CCDC12: variants seen among roughly 807,000 people sequenced by gnomAD.
CCDC12 encodes coiled-coil domain containing 12, also known as coiled-coil domain-containing protein 12.
In CCDC12, 28 loss-of-function variants were observed where a neutral mutation model predicts 25.7. The ratio of observed to expected loss-of-function variants is 1.09; its 90% CI spans 0.81 to 1.50. CCDC12 has a LOEUF of 1.50. Ranked by LOEUF, CCDC12 falls within the 40% of genes most tolerant of loss-of-function variation. The probability of loss-of-function intolerance (pLI) is 0.00; values close to 1 mark genes in which losing one functional copy is unlikely to be tolerated. For synonymous variants in CCDC12, 75 were observed against 87.7 expected (o/e 0.86, Z 0.81); for missense variants, 198 against 210.0 (o/e 0.94, Z 0.35).
At chr3:46,949,054 AATG>A (rs1251270920) in intron 1 of CCDC12, among the ~76,000 whole-genome samples, 2 of 152,228 alleles carry the variant, frequency 1.3e-5, no homozygotes, top group Admixed American at 6.5e-5. Context: ...TCCAGAGGTC[AATG>A]ACCAGACAGA....
intron 5 of CCDC12, 28 bp from the exon 6 acceptor site, chr3:46,922,340 G>A: frequency 6.2e-7 from 1 of 1,613,460 alleles, no homozygotes; most frequent in Non-Finnish European, 8.5e-7. Flanking sequence ...GGAGAAGCAG[G>A]AAGGTGAAGG....
Position 46,936,812 on chromosome 3 carries a change from A to G in CCDC12, c.164+4186T>C, listed in dbSNP as rs574673267. Among the ~76,000 whole-genome samples, 3 of 152,334 alleles carry G rather than the reference A, an allele frequency of 2.0e-5. No individual in the cohort carries two copies. In the South Asian group the frequency reaches 6.2e-4, roughly 32 times the overall value. On this transcript the variant is annotated intron_variant, in intron 2 of 6. Coordinates refer to ENST00000683445, the MANE Select transcript of CCDC12 (RefSeq NM_001277074.2). ...GGGGACACTGAGTGACCTGGAGAGT[A>G]ACTGAGGCAGATGGACCCTGCTCTC... is the stretch of plus-strand genomic sequence containing the variant.
chr3:46,947,098 G>A (rs2033936863), intron 1 of CCDC12, among the ~76,000 whole-genome samples: 1 of 152,180 alleles, frequency 6.6e-6, no homozygotes, highest in African/African-American at 2.4e-5. Context: ...TTAGCTCTGA[G>A]TACGCCTGCT....
chr3:46,959,504 C>A (rs1169465371), intron 1 of CCDC12, among the ~76,000 whole-genome samples: 1 of 152,168 alleles, frequency 6.6e-6, no homozygotes, highest in East Asian at 1.9e-4. Flanking sequence ...GAGGCCCTCT[C>A]ATCCCGTGAC....
chr3:46,967,793 G>A (rs1294750417), intron 1 of CCDC12, among the ~76,000 whole-genome samples: 1 of 152,138 alleles, frequency 6.6e-6, no homozygotes, highest in South Asian at 2.1e-4. Context: ...CAGTGAGCAT[G>A]GGCAGCTAAG....
At chr3:46,963,581 G>A (rs11718091) in intron 1 of CCDC12, among the ~76,000 whole-genome samples, 142,497 of 152,216 alleles carry the variant, frequency 0.94, 67,459 homozygotes, top group East Asian at 1. Flanking sequence ...TCAGCCTGCC[G>A]AGTGCCTGCG....
rs573957760 is a variant in CCDC12, at chr3:46,923,150, T to C, written c.341+179A>G. 10 of 597,804 alleles carry C rather than the reference T, an allele frequency of 1.7e-5. No individual in the cohort carries two copies. The Admixed American group carries it at 4.2e-4, about 25-fold the overall frequency. The allele number at this position is 597,804 out of a possible 1,614,324, so 37.0% of individuals were successfully genotyped here. ...TGAGCCCCACTCCATCACTCCCCTC[T>C]CATCCCACCACTTATGTCCTCCTCA... On this transcript the variant is annotated intron_variant, in intron 5 of 6. Transcript: ENST00000683445.
intron 2 of CCDC12, among the ~76,000 whole-genome samples, chr3:46,926,574 C>G (rs1386235867): frequency 6.6e-6 from 1 of 152,126 alleles, no homozygotes; most frequent in Non-Finnish European, 1.5e-5. Flanking sequence ...CAAATCCTAG[C>G]CCCACACACA....
At chr3:46,978,667 T>C (rs1425844920), upstream of CCDC12, among the ~76,000 whole-genome samples, 1 of 151,992 alleles carries the variant, frequency 6.6e-6, no homozygotes, top group African/African-American at 2.4e-5. Flanking sequence ...TTTGGTCAAC[T>C]TGGGCCTCAG....
chr3:46,935,358 T>C (rs2033401191), intron 2 of CCDC12, among the ~76,000 whole-genome samples: 1 of 151,942 alleles, frequency 6.6e-6, no homozygotes, highest in Non-Finnish European at 1.5e-5. Flanking sequence ...TCCTCCCTTC[T>C]CCTCCCACCT....
At chr3:46,935,683 T>C (rs762362828) in intron 2 of CCDC12, among the ~76,000 whole-genome samples, 1 of 152,128 alleles carries the variant, frequency 6.6e-6, no homozygotes, top group Non-Finnish European at 1.5e-5. Flanking sequence ...ACAAGAGGGC[T>C]GGCAGAGACA....
chr3:46,922,383 C>A, intron 5 of CCDC12, 71 bp from the exon 6 acceptor site: 1 of 1,537,062 alleles, frequency 6.5e-7, no homozygotes, highest in Non-Finnish European at 9.0e-7. Flanking sequence ...CCCCTCCCCT[C>A]TTGCAGCCCT....
In CCDC12 at chr3:46,976,700, T is replaced by TAGCC; in HGVS notation, c.29_32dup (p.Glu12AlafsTer48). The TAGCC allele has an allele frequency of 6.2e-7, 1 of 1,604,840 alleles. No individual in the cohort carries two copies. Among genetic ancestry groups the TAGCC allele is most frequent in the Non-Finnish European group, 8.5e-7 (1 of 1,176,196 alleles). On this transcript the variant is annotated frameshift_variant, in exon 1 of 7. Transcript: ENST00000683445. LOFTEE classifies it high-confidence loss of function. ...CCTTTCGCCGCAACGCCTCTTCCTC[T>TAGCC]AGCCGGCCCACACCAGCCGTAGTTG...
intron 1 of CCDC12, among the ~76,000 whole-genome samples, chr3:46,946,564 T>C (rs1184310060): frequency 6.6e-6 from 1 of 152,226 alleles, no homozygotes; most frequent in African/African-American, 2.4e-5. Context: ...CACCTGATGC[T>C]GTCAGGGGCA....
intron 2 of CCDC12, among the ~76,000 whole-genome samples, chr3:46,937,550 T>C (rs917679996): frequency 1.3e-5 from 2 of 152,214 alleles, no homozygotes; most frequent in African/African-American, 4.8e-5. Flanking sequence ...ATCTCTCCAA[T>C]GGACTGGAAG....
intron 1 of CCDC12, among the ~76,000 whole-genome samples, chr3:46,975,425 C>T (rs58840220): frequency 0.077 from 11,719 of 152,158 alleles, 1,506 homozygotes; most frequent in African/African-American, 0.26. Context: ...CCCATCTGCC[C>T]GCCTGGGCCT....
chr3:46,925,345 G>A (rs1184446157), intron 3 of CCDC12, 111 bp downstream of exon 3: 1 of 901,432 alleles, frequency 1.1e-6, no homozygotes, highest in Non-Finnish European at 1.8e-6. Context: ...CTGCCTGCAG[G>A]CCCAACTCCT....
At chr3:46,943,183 GA>G (rs1189915510) in intron 1 of CCDC12, among the ~76,000 whole-genome samples, 1 of 152,178 alleles carries the variant, frequency 6.6e-6, no homozygotes, top group Non-Finnish European at 1.5e-5. Context: ...GCTTCACTGA[GA>G]AACAAGTCAG....
At chr3:46,944,550 C>A (rs779774967) in intron 1 of CCDC12, among the ~76,000 whole-genome samples, 1 of 151,914 alleles carries the variant, frequency 6.6e-6, no homozygotes, top group East Asian at 1.9e-4. Context: ...GCCTCACCAC[C>A]CCCACTCCCC....
Sources: gnomAD v4.1 joint callset for allele counts (sites outside exome capture counted in the v4.1 genomes callset) on GRCh38, gnomAD v4.1.1 for gene constraint, MANE v1.5 for transcripts, NCBI Gene and HGNC (gene_info 2026-07-23, HGNC 2026-07-21) for gene names.